The following GPHN variants were observed in gnomAD, a reference collection of about 807,000 sequenced individuals.
The protein encoded by GPHN is gephyrin.
Under a neutral mutation model 95.5 loss-of-function variants are expected in GPHN, and 17 were observed. The observed-to-expected ratio is 0.18, with a 90% CI of 0.12 to 0.27. GPHN has a LOEUF of 0.27. Among genes scored for constraint, GPHN ranks in the 10% least tolerant of loss-of-function variants. GPHN has a pLI of 1.00. For missense variants in GPHN, 660 were observed against 978.1 expected (o/e 0.67, Z 4.34); for synonymous variants, 320 against 322.5 (o/e 0.99, Z 0.08).
intron 2 of GPHN, among the ~76,000 whole-genome samples, chr14:66,690,602 G>T (rs567440358): frequency 4.6e-5 from 7 of 152,184 alleles, no homozygotes; most frequent in Non-Finnish European, 8.8e-5. Context: ...AGAGTGGAGT[G>T]TTGAAGTCCC....
the GPHN span, among the ~76,000 whole-genome samples, chr14:67,597,485 AC>A: frequency 6.6e-6 from 1 of 151,012 alleles, no homozygotes; most frequent in Non-Finnish European, 1.5e-5. Context: ...CTCAAAAAAA[AC>A]AAAGAAACCT....
the GPHN span, among the ~76,000 whole-genome samples, chr14:67,627,256 GATATATAT>G: frequency 5.7e-3 from 758 of 133,736 alleles, 40 homozygotes; most frequent in East Asian, 0.09. Context: ...TCAGTAAGGA[GATATATAT>G]ATATATATAT....
intron 9 of GPHN, among the ~76,000 whole-genome samples, chr14:67,003,347 A>C (rs2072371634): frequency 6.6e-6 from 1 of 151,766 alleles, no homozygotes; most frequent in Non-Finnish European, 1.5e-5. Context: ...AGCTGATATT[A>C]CACTATTAGT....
At chr14:66,537,833 G>A (rs936704993) in intron 1 of GPHN, among the ~76,000 whole-genome samples, 5 of 152,124 alleles carry the variant, frequency 3.3e-5, no homozygotes, top group Admixed American at 6.6e-5. Flanking sequence ...GGGCTGGCAT[G>A]TGTTGCTGTT....
the GPHN span, among the ~76,000 whole-genome samples, chr14:67,243,270 T>C: frequency 6.6e-6 from 1 of 151,764 alleles, no homozygotes; most frequent in Non-Finnish European, 1.5e-5. Flanking sequence ...CACTGCAGTC[T>C]CCACCTCCCT....
the GPHN span, among the ~76,000 whole-genome samples, chr14:67,398,856 CG>C: frequency 1.3e-5 from 2 of 152,174 alleles, no homozygotes; most frequent in African/African-American, 4.8e-5. Context: ...CCACCATGCC[CG>C]GTCCCTGTTT....
At chr14:67,044,745 TCC>T (rs2074907576) in intron 10 of GPHN, among the ~76,000 whole-genome samples, 1 of 151,688 alleles carries the variant, frequency 6.6e-6, no homozygotes, top group Non-Finnish European at 1.5e-5. Flanking sequence ...CCCTTCCTCC[TCC>T]TCCTCCTCCT....
chr14:66,722,589 A>C (rs2070862719), intron 2 of GPHN, among the ~76,000 whole-genome samples: 2 of 152,064 alleles, frequency 1.3e-5, no homozygotes, highest in Non-Finnish European at 2.9e-5. Context: ...GACTACAAGG[A>C]TATGCCGCCA....
chr14:67,052,840 A>G (rs2075366066), intron 10 of GPHN, among the ~76,000 whole-genome samples: 1 of 152,172 alleles, frequency 6.6e-6, no homozygotes, highest in East Asian at 1.9e-4. Context: ...CTGCCCCTGA[A>G]TGACTCCTGG....
intron 17 of GPHN, among the ~76,000 whole-genome samples, chr14:67,137,392 G>A (rs2080154709): frequency 6.6e-6 from 1 of 151,780 alleles, no homozygotes; most frequent in Non-Finnish European, 1.5e-5. Context: ...TGATCCACCT[G>A]CCTTGGCCTC....
At chr14:67,321,161 C>T in the GPHN span, 1 of 1,614,130 alleles carries the variant, frequency 6.2e-7, no homozygotes, top group South Asian at 1.1e-5. Context: ...GTTCATTGAG[C>T]ATGGTGAATT....
the GPHN span, among the ~76,000 whole-genome samples, chr14:67,493,443 G>A: frequency 1.3e-5 from 2 of 152,134 alleles, no homozygotes; most frequent in East Asian, 3.8e-4. Context: ...TCTGTGTTAG[G>A]GATAAAAACC....
the GPHN span, among the ~76,000 whole-genome samples, chr14:67,523,384 G>GA: frequency 1.8e-4 from 27 of 151,940 alleles, 1 homozygote; most frequent in Middle Eastern, 3.4e-3. Context: ...CAGTGCTAGG[G>GA]AAAAAAAGTC....
At chr14:66,853,317 T>G (rs1307843557) in intron 4 of GPHN, among the ~76,000 whole-genome samples, 3 of 152,226 alleles carry the variant, frequency 2.0e-5, no homozygotes, top group Admixed American at 2.0e-4. Flanking sequence ...ATTCCTTTTC[T>G]TGTCACATTT....
chr14:66,736,427 T>C (rs1042755162), intron 2 of GPHN, among the ~76,000 whole-genome samples: 8 of 151,104 alleles, frequency 5.3e-5, no homozygotes, highest in Non-Finnish European at 7.4e-5. Flanking sequence ...AGATGGAGTT[T>C]TGCTCTTGTT....
chr14:66,988,472 A>G (rs1470743268), intron 9 of GPHN, among the ~76,000 whole-genome samples: 1 of 152,088 alleles, frequency 6.6e-6, no homozygotes, highest in Admixed American at 6.6e-5. Context: ...GTGTTAGGGT[A>G]TCATAGGTAA....
intron 5 of GPHN, among the ~76,000 whole-genome samples, chr14:66,895,978 C>G (rs1273930925): frequency 6.6e-6 from 1 of 152,114 alleles, no homozygotes; most frequent in East Asian, 1.9e-4. Context: ...GCTGGGAAGT[C>G]CACAATCAAG....
At chr14:67,192,378 C>T in the GPHN span, among the ~76,000 whole-genome samples, 2 of 151,976 alleles carry the variant, frequency 1.3e-5, no homozygotes, top group African/African-American at 4.8e-5. Context: ...TTGTTTCTTT[C>T]TTTTATTTCC....
rs1262196519 is a variant in GPHN, at chr14:67,108,709, A to AGG, written c.1294-1428_1294-1427dup. On this transcript the variant is annotated intron_variant, in intron 13 of 22. Coordinates refer to ENST00000478722, the MANE Select transcript of GPHN (RefSeq NM_020806.5). Reference sequence around the variant, plus strand: ...ATTTTTTTTTCTTAACCATTCCCTAAGGGGTGTGTGTGTGTGTGTGTGTGT... The same window carrying AGG: ...ATTTTTTTTTCTTAACCATTCCCTAAGGGGGGTGTGTGTGTGTGTGTGTGTGT... Among the ~76,000 whole-genome samples, 96 of 84,648 alleles carry AGG rather than the reference A, an allele frequency of 1.1e-3. 1 individual carries two copies. Among genetic ancestry groups the AGG allele is most frequent in the South Asian group, 2.7e-3 (6 of 2,188 alleles). The allele number at this position is 84,648 out of a possible 152,430, so 55.5% of individuals were successfully genotyped here.
Sources: allele counts gnomAD v4.1 joint callset (sites outside exome capture counted in the v4.1 genomes callset), GRCh38; gene constraint gnomAD v4.1.1; transcripts MANE v1.5; gene names NCBI Gene and HGNC (gene_info 2026-07-23, HGNC 2026-07-21).